The following RIMS2 variants were observed in gnomAD, a reference collection of about 807,000 sequenced individuals.
RIMS2 encodes the protein regulating synaptic membrane exocytosis protein 2.
In RIMS2, 59 loss-of-function variants were observed where a neutral mutation model predicts 174.4. The observed-to-expected ratio is 0.34, with a 90% CI of 0.27 to 0.42. RIMS2 has a LOEUF of 0.42. RIMS2 is among the 10% of genes least tolerant of loss of function. The probability of loss-of-function intolerance (pLI) is 1.00; values close to 1 mark genes in which losing one functional copy is unlikely to be tolerated. For missense variants in RIMS2, 1,620 were observed against 1,666.3 expected (o/e 0.97, Z 0.48); for synonymous variants, 606 against 572.5 (o/e 1.06, Z -0.84).
At chr8:103,766,198 A>AT (rs765909452) in intron 2 of RIMS2, 29 bp from the exon 6 acceptor site, 2 of 1,510,402 alleles carry the variant, frequency 1.3e-6, no homozygotes, top group Non-Finnish European at 1.8e-6. Flanking sequence ...GGGAACACTA[A>AT]TTTTTTCCCC....
chr8:103,946,898 C>T (rs1340054630), intron 14 of RIMS2, among the ~76,000 whole-genome samples: 2 of 152,052 alleles, frequency 1.3e-5, no homozygotes, highest in African/African-American at 4.8e-5. Context: ...TAATGATAGA[C>T]CTATAGATAA....
At chr8:103,826,563 G>C (rs770153246) in intron 3 of RIMS2, among the ~76,000 whole-genome samples, 3 of 151,708 alleles carry the variant, frequency 2.0e-5, no homozygotes, top group African/African-American at 7.3e-5. Flanking sequence ...TTCTATTTCT[G>C]ATCTGTGCAA....
rs145653758 is a variant in RIMS2 at position 104,085,930 on chromosome 8, C to T, written c.3334+71315C>T. ...CCTGTCAGCATCTGGAAATACAGATCTGAAGCTTGGGAGAGGTGAGAATAA... is the reference window on the plus strand; with the variant it reads ...CCTGTCAGCATCTGGAAATACAGATTTGAAGCTTGGGAGAGGTGAGAATAA... On this transcript the variant is annotated intron_variant, in intron 19 of 23. Coordinates refer to ENST00000504942, the Ensembl canonical transcript of RIMS2. Among the ~76,000 whole-genome samples, 25 of 152,118 alleles carry T rather than the reference C, an allele frequency of 1.6e-4. No homozygotes were observed. In the East Asian group the frequency reaches 2.3e-3, roughly 14 times the overall value.
chr8:103,787,709 T>C (rs2098456917), intron 3 of RIMS2, among the ~76,000 whole-genome samples: 1 of 152,226 alleles, frequency 6.6e-6, no homozygotes, highest in South Asian at 2.1e-4. Context: ...TTAACATTTT[T>C]TCCTTCATTT....
chr8:104,254,102 T>C (rs913226302), downstream of RIMS2: 13 of 152,224 alleles, frequency 8.5e-5, no homozygotes, highest in Admixed American at 3.9e-4. Context: ...TAATCTTTTG[T>C]GCATATTCCT....
intron 1 of RIMS2, among the ~76,000 whole-genome samples, chr8:103,613,280 A>G (rs1317113505): frequency 6.6e-6 from 1 of 152,114 alleles, no homozygotes; most frequent in Non-Finnish European, 1.5e-5. Flanking sequence ...TCACTCTCCC[A>G]TCTCCCTTCA....
intron 19 of RIMS2, among the ~76,000 whole-genome samples, chr8:104,071,235 T>A (rs894055167): frequency 6.6e-6 from 1 of 152,220 alleles, no homozygotes; most frequent in African/African-American, 2.4e-5. Context: ...AAGTTTTATA[T>A]CTTTGACAGC....
At chr8:103,713,040 A>G (rs1417088975) in intron 2 of RIMS2, among the ~76,000 whole-genome samples, 8 of 148,186 alleles carry the variant, frequency 5.4e-5, no homozygotes, top group African/African-American at 2.0e-4. Flanking sequence ...TTTCTTTTTG[A>G]TGGATTATCA....
intron 19 of RIMS2, among the ~76,000 whole-genome samples, chr8:104,124,671 G>T (rs1055855974): frequency 1.3e-5 from 2 of 152,172 alleles, no homozygotes; most frequent in Non-Finnish European, 2.9e-5. Flanking sequence ...TTTAGAAATT[G>T]TATACTTCAT....
At chr8:103,591,112 T>G (rs917713377) in intron 1 of RIMS2, among the ~76,000 whole-genome samples, 1 of 151,124 alleles carries the variant, frequency 6.6e-6, no homozygotes, top group African/African-American at 2.4e-5. Context: ...TTTTATAATA[T>G]GTAGAGGTAG....
chr8:103,901,228 G>A (rs561843467), intron 4 of RIMS2, among the ~76,000 whole-genome samples: 2 of 152,236 alleles, frequency 1.3e-5, no homozygotes, highest in South Asian at 4.1e-4. Flanking sequence ...TGATGCTGGT[G>A]TCTGCCTCAG....
At chr8:103,921,737 C>T in exon 10 of RIMS2, 1 of 1,572,452 alleles carries the variant, frequency 6.4e-7, no homozygotes, top group South Asian at 1.1e-5. Context: ...TCCCATGAGT[C>T]CTGGAATGTT....
chr8:103,662,291 C>G (rs1231637429), intron 1 of RIMS2, among the ~76,000 whole-genome samples: 1 of 152,092 alleles, frequency 6.6e-6, no homozygotes, highest in African/African-American at 2.4e-5. Context: ...CAAATCAGAT[C>G]ATATCACTGT....
intron 3 of RIMS2, among the ~76,000 whole-genome samples, chr8:103,792,456 A>T (rs2098508440): frequency 6.6e-6 from 1 of 152,178 alleles, no homozygotes; most frequent in Non-Finnish European, 1.5e-5. Context: ...CTAAATGCCC[A>T]CAAGAGAAAG....
chr8:103,802,290 C>T (rs1351724800), intron 3 of RIMS2, among the ~76,000 whole-genome samples: 2 of 152,148 alleles, frequency 1.3e-5, no homozygotes, highest in Non-Finnish European at 2.9e-5. Flanking sequence ...CGTATATGCT[C>T]ATATAATCCT....
chr8:103,505,836 G>A (rs1282908296), intron 1 of RIMS2, among the ~76,000 whole-genome samples: 1 of 152,086 alleles, frequency 6.6e-6, no homozygotes, highest in Non-Finnish European at 1.5e-5. Flanking sequence ...GAAAGATTGA[G>A]AGCCTTTTTA....
At chr8:103,754,094 C>T (rs995858723) in intron 2 of RIMS2, among the ~76,000 whole-genome samples, 1 of 152,304 alleles carries the variant, frequency 6.6e-6, no homozygotes, top group Admixed American at 6.5e-5. Context: ...CTACACACTG[C>T]TTTAAGTGTG....
At chr8:103,631,038 A>G (rs1027388955) in intron 1 of RIMS2, among the ~76,000 whole-genome samples, 10 of 152,168 alleles carry the variant, frequency 6.6e-5, no homozygotes, top group African/African-American at 2.4e-4. Context: ...TCAGATGCAT[A>G]GTTCACAAAT....
chr8:104,231,142 G>A (rs1018215028), intron 19 of RIMS2, among the ~76,000 whole-genome samples: 7 of 151,968 alleles, frequency 4.6e-5, no homozygotes, highest in Non-Finnish European at 7.4e-5. Flanking sequence ...TTTGGGACAC[G>A]TGAGCTCACC....
Sources: gnomAD v4.1 joint callset for allele counts (sites outside exome capture counted in the v4.1 genomes callset) on GRCh38, gnomAD v4.1.1 for gene constraint, MANE v1.5 for transcripts, NCBI Gene and HGNC (gene_info 2026-07-23, HGNC 2026-07-21) for gene names.